Variants in PSPH observed in about 807,000 individuals in gnomAD.
PSPH encodes phosphoserine phosphatase, also known as L-3-phosphoserine phosphatase.
Under a neutral mutation model 23.4 loss-of-function variants are expected in PSPH, and 16 were observed. That is an observed-to-expected ratio of 0.68 (90% CI 0.46 to 1.04). PSPH has a LOEUF of 1.04. PSPH is among the 50% of genes least tolerant of loss of function. PSPH has a pLI of 0.00. For synonymous variants in PSPH, 68 were observed against 99.7 expected, an observed-to-expected ratio of 0.68 and a Z score of 1.89; for missense variants, 223 against 273.7, an observed-to-expected ratio of 0.81 and a Z score of 1.31.
At chr7:56,048,081 C>T (rs1479616632) in intron 1 of PSPH, among the ~76,000 whole-genome samples, 1 of 152,036 alleles carries the variant, frequency 6.6e-6, no homozygotes, top group Non-Finnish European at 1.5e-5. Flanking sequence ...GAGTTCAAAA[C>T]CAGCCTGGCT....
intron 2 of PSPH, among the ~76,000 whole-genome samples, chr7:56,032,520 C>T (rs1791148042): frequency 6.6e-6 from 1 of 151,754 alleles, no homozygotes; most frequent in African/African-American, 2.4e-5. Context: ...TTTAGCCAGG[C>T]ATGCTACTGG....
At chr7:56,032,197 A>C (rs1366009868) in intron 2 of PSPH, 143 bp from the exon 3 acceptor site, 1 of 152,216 alleles carries the variant, frequency 6.6e-6, no homozygotes, top group African/African-American at 2.4e-5. Context: ...TCCTCTGGGA[A>C]ATGCTTTACT....
At position 56,041,216 on chromosome 7, in the gene PSPH, T is replaced by G. The variant is rs535981691; in HGVS notation, c.-291-7110A>C. 1.8e-3 allele frequency among the ~76,000 whole-genome samples: 272 copies of G among 149,106 alleles called. 3 individuals are homozygous for G. Among genetic ancestry groups the G allele is most frequent in the African/African-American group, 6.6e-3 (266 of 40,486 alleles). ...CTATCTCTCTCTCTCTCTCTTTTTT[T>G]TTTTTTTTTTTTTTGAGACAGAATC... On this transcript the variant is annotated intron_variant, in intron 1 of 7. Transcript: ENST00000275605.
At chr7:56,022,089 C>T (rs13231103) in intron 3 of PSPH, among the ~76,000 whole-genome samples, 6 of 152,002 alleles carry the variant, frequency 3.9e-5, no homozygotes, top group African/African-American at 1.4e-4. Flanking sequence ...CTTTGGGAGG[C>T]TAAGGCAGGA....
chr7:56,034,762 C>T (rs1346163309), intron 1 of PSPH, among the ~76,000 whole-genome samples: 1 of 151,788 alleles, frequency 6.6e-6, no homozygotes, highest in Non-Finnish European at 1.5e-5. Context: ...GTGATCCGCC[C>T]GCCTTGGCCT....
At chr7:56,028,175 G>C (rs1297189518) in intron 3 of PSPH, among the ~76,000 whole-genome samples, 1 of 152,028 alleles carries the variant, frequency 6.6e-6, no homozygotes, top group Non-Finnish European at 1.5e-5. Context: ...GCTCAGAATT[G>C]TTGACACCTG....
intron 3 of PSPH, among the ~76,000 whole-genome samples, chr7:56,021,528 C>T (rs1400778920): frequency 6.6e-6 from 1 of 151,694 alleles, no homozygotes; most frequent in East Asian, 1.9e-4. Context: ...AAGTGATTCT[C>T]CTGCCTCAGC....
chr7:56,035,332 GA>G (rs1791592512), intron 1 of PSPH, among the ~76,000 whole-genome samples: 1 of 152,062 alleles, frequency 6.6e-6, no homozygotes, highest in Non-Finnish European at 1.5e-5. Context: ...GCAACAGAGT[GA>G]AACTCCGTTT....
chr7:56,024,117 C>T (rs1000105557), intron 3 of PSPH, among the ~76,000 whole-genome samples: 3 of 151,204 alleles, frequency 2.0e-5, no homozygotes, highest in Non-Finnish European at 2.9e-5. Flanking sequence ...TTAGTAGAGA[C>T]GGGGTTTCAC....
In PSPH at chr7:56,015,142, G is replaced by T; in HGVS notation, c.451C>A (p.Pro151Thr). 3 of 1,613,908 alleles carry T rather than the reference G, an allele frequency of 1.9e-6. No individual in the cohort carries two copies. Among genetic ancestry groups the T allele is most frequent in the Non-Finnish European group, 1.7e-6 (2 of 1,179,986 alleles). ...GEYAGFDETQ[P>T]TAESGGKGKV... ...CCTTTTCCACCAGATTCAGCTGTTGGCTGCGTCTCATCAAAACCTGCATAT... is the reference window on the plus strand; with the variant it reads ...CCTTTTCCACCAGATTCAGCTGTTGTCTGCGTCTCATCAAAACCTGCATAT... Residue 151 changes from proline to threonine, a missense_variant, in exon 7 of 8, where the codon CCA (proline) becomes ACA (threonine). Physicochemically the swap from Pro to Thr is conservative, Grantham distance 38 (BLOSUM62 -1). Transcript: ENST00000275605.
chr7:56,022,159 C>T (rs979585328), intron 3 of PSPH, among the ~76,000 whole-genome samples: 4 of 151,906 alleles, frequency 2.6e-5, no homozygotes, highest in Admixed American at 6.6e-5. Context: ...GAGACCAAGT[C>T]TCTACTAAAA....
chr7:56,041,633 G>T (rs1307360342), intron 1 of PSPH, among the ~76,000 whole-genome samples: 1 of 151,934 alleles, frequency 6.6e-6, no homozygotes, highest in Non-Finnish European at 1.5e-5. Flanking sequence ...CATTAGAAAC[G>T]TGTGAGTGCG....
At chr7:56,024,129 G>A (rs1584424378) in intron 3 of PSPH, among the ~76,000 whole-genome samples, 1 of 151,228 alleles carries the variant, frequency 6.6e-6, no homozygotes, top group African/African-American at 2.4e-5. Flanking sequence ...GGGTTTCACC[G>A]TGGTCTCGAT....
chr7:56,022,467 G>C (rs568346089), intron 3 of PSPH, among the ~76,000 whole-genome samples: 1 of 152,100 alleles, frequency 6.6e-6, no homozygotes, highest in East Asian at 1.9e-4. Flanking sequence ...GAGAGGGAGC[G>C]GGGGTGGAGA....
chr7:56,039,795 T>A (rs28551644), intron 1 of PSPH, among the ~76,000 whole-genome samples: 2,709 of 107,370 alleles, frequency 0.025, 94 homozygotes, highest in African/African-American at 0.086. Flanking sequence ...AAAAAAAAAT[T>A]AAAAAAAAAA....
At chr7:56,047,983 A>G (rs1793482053) in intron 1 of PSPH, among the ~76,000 whole-genome samples, 1 of 152,016 alleles carries the variant, frequency 6.6e-6, no homozygotes, top group Non-Finnish European at 1.5e-5. Context: ...GTATTTAAAC[A>G]TAAGGAAACA....
chr7:56,017,716 CTTTTTTTT>C (rs35860273), intron 5 of PSPH, among the ~76,000 whole-genome samples: 1 of 82,386 alleles, frequency 1.2e-5, no homozygotes, highest in African/African-American at 4.8e-5. Flanking sequence ...CACCCAGTTA[CTTTTTTTT>C]TTTTTTTTTT....
intron 1 of PSPH, among the ~76,000 whole-genome samples, chr7:56,047,646 T>G (rs1793428831): frequency 6.6e-6 from 1 of 151,720 alleles, no homozygotes; most frequent in East Asian, 1.9e-4. Flanking sequence ...TCTCTGGTGT[T>G]CTTGCCAAAA....
In PSPH at chr7:56,041,831, G is replaced by A. The variant is rs1272621403; in HGVS notation, c.-291-7725C>T. Among the ~76,000 whole-genome samples the A allele has an allele frequency of 2.0e-5, 3 of 152,066 alleles. No homozygotes were observed. The South Asian group carries it at 6.2e-4, about 31-fold the overall frequency. ...CCCAGCTATTCGTGAGGCTGAGGCA[G>A]GAGAACTGCTTGAACTGGGAGGCAG... On this transcript the variant is annotated intron_variant, in intron 1 of 7. Transcript: ENST00000275605.
Sources: gnomAD v4.1 joint callset for allele counts (sites outside exome capture counted in the v4.1 genomes callset) on GRCh38, gnomAD v4.1.1 for gene constraint, MANE v1.5 for transcripts, NCBI Gene and HGNC (gene_info 2026-07-23, HGNC 2026-07-21) for gene names.